The following ALDH2 variants were observed in gnomAD, a reference collection of about 807,000 sequenced individuals.
ALDH2 encodes the protein aldehyde dehydrogenase 2 family member.
ALDH2 carries 44 observed loss-of-function variants against 59.6 expected under a neutral mutation model. The observed-to-expected ratio is 0.74, with a 90% CI of 0.58 to 0.95. ALDH2 has a LOEUF of 0.95. ALDH2 is among the 40% of genes least tolerant of loss of function. The pLI, the probability that ALDH2 is intolerant of heterozygous loss-of-function variation, is 0.00. For missense variants in ALDH2, 570 were observed against 696.3 expected (o/e 0.82, Z 2.04); for synonymous variants, 291 against 284.0 (o/e 1.02, Z -0.25).
At chr12:111,790,265 G>T (rs1416345591) in intron 5 of ALDH2, among the ~76,000 whole-genome samples, 169 bp from the exon 6 acceptor site, 2 of 152,166 alleles carry the variant, frequency 1.3e-5, no homozygotes, top group Admixed American at 6.5e-5. Context: ...GTTGTGCACC[G>T]CCTGCCTCAT....
chr12:111,779,880 C>T (rs576735859), intron 1 of ALDH2, among the ~76,000 whole-genome samples: 22 of 152,274 alleles, frequency 1.4e-4, no homozygotes, highest in African/African-American at 4.6e-4. Context: ...AACTCTGGCA[C>T]TTTATGTATG....
In ALDH2 at chr12:111,813,710, A is replaced by G. The variant is rs1023480526; in HGVS notation, c.*4135A>G. Reference sequence around the variant, plus strand: ...TGATGCTGAGTGAAAGAAGCCAGACACAAAAGGAGAAGGACTGTATGATTT... The same window carrying G: ...TGATGCTGAGTGAAAGAAGCCAGACGCAAAAGGAGAAGGACTGTATGATTT... On this transcript the variant is annotated 3_prime_UTR_variant, in exon 13 of 13. Transcript: ENST00000261733. The G allele has an allele frequency of 7.9e-5, 12 of 152,248 alleles. No individual in the cohort carries two copies. The highest frequency in any genetic ancestry group is 1.6e-4 in the Non-Finnish European group (11 of 68,048). 9.4% of individuals were successfully genotyped at this position (152,248 alleles called of 1,614,324 possible).
In ALDH2 at chr12:111,800,037, C is replaced by G. The variant is rs1202098835; in HGVS notation, c.1380C>G (p.Ser460=). The part of the protein sequence containing the change: ...TKDLDKANYL[S]QALQAGTVWV... Reference sequence around the variant, plus strand: ...ATTTGGACAAGGCCAATTACCTGTCCCAGGCCCTCCAGGCGGGCACTGTGT... The same window carrying G: ...ATTTGGACAAGGCCAATTACCTGTCGCAGGCCCTCCAGGCGGGCACTGTGT... The change falls in exon 11 of 13, where the codon TCC becomes TCG. Residue 460 remains serine (S), a synonymous_variant. Coordinates refer to ENST00000261733, the MANE Select transcript of ALDH2 (RefSeq NM_000690.4). 1 of 1,613,004 alleles carries G rather than the reference C, an allele frequency of 6.2e-7. No homozygotes were observed. Among genetic ancestry groups the G allele is most frequent in the Non-Finnish European group, 8.5e-7 (1 of 1,179,812 alleles).
Position 111,789,827 on chromosome 12 carries a change from T to A in ALDH2, c.445T>A (p.Tyr149Asn), listed in dbSNP as rs1372973709. 1 of 1,613,790 alleles carries A rather than the reference T, an allele frequency of 6.2e-7. No individual in the cohort carries two copies. The highest frequency in any genetic ancestry group is 8.5e-7 in the Non-Finnish European group (1 of 1,179,802). ...TGAACGTTTCTTTGTTTAAAGGTAT[T>A]ATGCCGGCTGGGCTGATAAGTACCA... ...LDMVLKCLRY[Y>N]AGWADKYHGK... The change falls in exon 5 of 13, where the codon TAT (tyrosine) becomes AAT (asparagine). Residue 149 changes from tyrosine to asparagine, a missense_variant. Physicochemically the swap from Tyr to Asn is moderately radical, Grantham distance 143. Coordinates refer to ENST00000261733, the MANE Select transcript of ALDH2 (RefSeq NM_000690.4).
At chr12:111,768,994 C>G (rs759555420) in intron 1 of ALDH2, among the ~76,000 whole-genome samples, 40 of 152,162 alleles carry the variant, frequency 2.6e-4, no homozygotes, top group Non-Finnish European at 5.6e-4. Context: ...GAAATGTCCT[C>G]AAGGAACAGC....
rs1465909721 is a variant in ALDH2 at position 111,813,219 on chromosome 12, C to G, written c.*3644C>G. ...AGTCACAGGAGTATTAGGTGTAAAGCCGCTGCTTCTGGGTAGAGCCTCCAC... is the reference window on the plus strand; with the variant it reads ...AGTCACAGGAGTATTAGGTGTAAAGGCGCTGCTTCTGGGTAGAGCCTCCAC... On this transcript the variant is annotated 3_prime_UTR_variant, in exon 13 of 13. Transcript: ENST00000261733. 2 of 152,158 alleles carry G rather than the reference C, an allele frequency of 1.3e-5. No homozygotes were observed. Among genetic ancestry groups the G allele is most frequent in the African/African-American group, 2.4e-5 (1 of 41,430 alleles). 9.4% of individuals were successfully genotyped at this position (152,158 alleles called of 1,614,324 possible). A position where few individuals can be genotyped will look rare whatever the true frequency, so the allele number is the denominator to read the frequency against.
chr12:111,797,048 C>T (rs1384240167), intron 9 of ALDH2, among the ~76,000 whole-genome samples: 1 of 151,960 alleles, frequency 6.6e-6, no homozygotes, highest in South Asian at 2.1e-4. Context: ...CAATCTCCAC[C>T]TCCCTGGTTC....
At chr12:111,777,222 G>A (rs1207521809) in intron 1 of ALDH2, among the ~76,000 whole-genome samples, 1 of 152,172 alleles carries the variant, frequency 6.6e-6, no homozygotes, top group African/African-American at 2.4e-5. Flanking sequence ...AGCATCCTCT[G>A]CTGTGAAGTG....
Position 111,767,044 on chromosome 12 carries a change from C to A in ALDH2, c.62C>A (p.Ala21Asp). 1 of 1,528,472 alleles carries A rather than the reference C, an allele frequency of 6.5e-7. No individual in the cohort carries two copies. Among genetic ancestry groups the A allele is most frequent in the Non-Finnish European group, 8.7e-7 (1 of 1,143,720 alleles). The allele number at this position is 1,528,472 out of a possible 1,614,324, so 94.7% of individuals were successfully genotyped here. A position where few individuals can be genotyped will look rare whatever the true frequency, so the allele number is the denominator to read the frequency against. ...RLGRRLLSAA[A>D]TQAVPAPNQQ... is the part of the protein sequence containing the mutation. ...GGCCGCCGCCTCTTGTCAGCCGCCG[C>A]CACCCAGGCCGTGCCTGCCCCCAAC... Residue 21 changes from alanine (A) to aspartate (D), a missense_variant, in exon 1 of 13, where the codon GCC becomes GAC. By Grantham distance (126) the Ala-to-Asp change is moderately radical (BLOSUM62 -2). Transcript: ENST00000261733.
rs565784749 is a variant in ALDH2 at position 111,801,631 on chromosome 12, G to A, written c.1406+1568G>A. On this transcript the variant is annotated intron_variant, in intron 11 of 12. Transcript: ENST00000261733. ...GGAGAATCGCTTGAACCTGGGAGGC[G>A]GAGATTGCAGTGAGTGGAGATCATG... Among the ~76,000 whole-genome samples the A allele has an allele frequency of 8.6e-5, 13 of 151,432 alleles. No homozygotes were observed. In the East Asian group the frequency reaches 1.9e-3, roughly 23 times the overall value.
At chr12:111,806,609 C>T (rs16941667) in intron 12 of ALDH2, among the ~76,000 whole-genome samples, 12,845 of 152,208 alleles carry the variant, frequency 0.084, 639 homozygotes, top group Middle Eastern at 0.16. Flanking sequence ...GAATAGCTCA[C>T]TGGAATCAAC....
chr12:111,799,602 C>A (rs919109065), intron 10 of ALDH2, among the ~76,000 whole-genome samples: 1 of 152,106 alleles, frequency 6.6e-6, no homozygotes, highest in Non-Finnish European at 1.5e-5. Context: ...AGCCACAATG[C>A]CCAGCTGACT....
At position 111,811,683 on chromosome 12, in the gene ALDH2, A is replaced by G. The variant is rs974121332; in HGVS notation, c.*2108A>G. ...GAGACGGGGTTTTGCCATGTTGGCC[A>G]GGCTGGTGTTGAAGGCCTGACCTCA... On this transcript the variant is annotated 3_prime_UTR_variant, in exon 13 of 13. Coordinates refer to ENST00000261733, the MANE Select transcript of ALDH2 (RefSeq NM_000690.4). The G allele has an allele frequency of 6.6e-6, 1 of 152,472 alleles. No individual in the cohort carries two copies. Among genetic ancestry groups the G allele is most frequent in the East Asian group, 1.9e-4 (1 of 5,132 alleles). The allele number at this position is 152,472 out of a possible 1,614,324, so 9.4% of individuals were successfully genotyped here.
At chr12:111,808,821 G>A (rs2068515865) in intron 12 of ALDH2, among the ~76,000 whole-genome samples, 1 of 152,116 alleles carries the variant, frequency 6.6e-6, no homozygotes, top group South Asian at 2.1e-4. Flanking sequence ...ATGGTGGTTT[G>A]GATTGGAGTG....
chr12:111,805,245 G>T (rs186523099), intron 12 of ALDH2, among the ~76,000 whole-genome samples: 8 of 152,182 alleles, frequency 5.3e-5, no homozygotes, highest in Admixed American at 2.0e-4. Flanking sequence ...AAACTGGAGC[G>T]TGGTGTTGCA....
intron 4 of ALDH2, 91 bp from the exon 5 acceptor site, chr12:111,789,732 G>C: frequency 2.8e-6 from 3 of 1,080,690 alleles, no homozygotes; most frequent in African/African-American, 1.6e-5. Flanking sequence ...GAAAGACTCA[G>C]CTGGACCAGT....
At chr12:111,772,433 C>G (rs1412350712) in intron 1 of ALDH2, among the ~76,000 whole-genome samples, 1 of 150,626 alleles carries the variant, frequency 6.6e-6, no homozygotes, top group African/African-American at 2.4e-5. Context: ...GGCACGATCA[C>G]GGCTCACTGC....
At position 111,789,829 on chromosome 12, in the gene ALDH2, T is replaced by G. The variant is rs753125040; in HGVS notation, c.447T>G (p.Tyr149Ter). Reference sequence around the variant, plus strand: ...AACGTTTCTTTGTTTAAAGGTATTATGCCGGCTGGGCTGATAAGTACCACG... The same window carrying G: ...AACGTTTCTTTGTTTAAAGGTATTAGGCCGGCTGGGCTGATAAGTACCACG... ...LDMVLKCLRY[Y>*]AGWADKYHGK... Residue 149 changes from tyrosine to a stop codon, truncating the protein, a stop_gained, in exon 5 of 13, where the codon TAT becomes TAG. Transcript: ENST00000261733. LOFTEE classifies it high-confidence loss of function. The G allele has an allele frequency of 2.5e-6, 4 of 1,613,954 alleles. No individual in the cohort carries two copies. The East Asian group carries it at 8.9e-5, about 36-fold the overall frequency.
intron 9 of ALDH2, among the ~76,000 whole-genome samples, chr12:111,794,938 A>G (rs183735691): frequency 6.2e-4 from 94 of 152,286 alleles, no homozygotes; most frequent in East Asian, 1.9e-4. Flanking sequence ...TAATTCTATA[A>G]TATTGTCATT....
Sources: gnomAD v4.1 joint callset for allele counts (sites outside exome capture counted in the v4.1 genomes callset) on GRCh38, gnomAD v4.1.1 for gene constraint, MANE v1.5 for transcripts, NCBI Gene and HGNC (gene_info 2026-07-23, HGNC 2026-07-21) for gene names.